NGEF: variants seen among roughly 807,000 people sequenced by gnomAD.
NGEF encodes the protein neuronal guanine nucleotide exchange factor, also known as ephexin-1.
NGEF carries 31 observed loss-of-function variants against 80.9 expected under a neutral mutation model. The ratio of observed to expected loss-of-function variants is 0.38; its 90% CI spans 0.29 to 0.52. The LOEUF is 0.52. Among genes scored for constraint, NGEF ranks in the 20% least tolerant of loss-of-function variants. The pLI is 0.84. For synonymous variants in NGEF, 371 were observed against 370.2 expected (o/e 1.00, Z -0.03); for missense variants, 709 against 926.2 (o/e 0.77, Z 3.04).
intron 3 of NGEF, among the ~76,000 whole-genome samples, chr2:232,969,491 C>CCTTCCTTCCTTCCTTCATTCCTTCCTT (rs1694142074): frequency 1.1e-5 from 1 of 90,770 alleles, no homozygotes; most frequent in African/African-American, 5.1e-5. Flanking sequence ...CTTCCTTCCT[C>CCTTCCTTCCTTCCTTCATTCCTTCCTT]CCTCCCTCCC....
chr2:233,009,271 G>A (rs891941959), intron 1 of NGEF, among the ~76,000 whole-genome samples: 2 of 152,112 alleles, frequency 1.3e-5, no homozygotes, highest in African/African-American at 2.4e-5. Flanking sequence ...GTGAGAACAC[G>A]AGATATATGT....
At chr2:232,888,218 G>A in intron 8 of NGEF, 111 bp from the exon 9 acceptor site, 1 of 722,824 alleles carries the variant, frequency 1.4e-6, no homozygotes, top group Non-Finnish European at 2.4e-6. Flanking sequence ...CCATGCTGCA[G>A]CATGCACACA....
At chr2:232,996,422 C>T (rs547211629) in intron 1 of NGEF, among the ~76,000 whole-genome samples, 24 of 152,240 alleles carry the variant, frequency 1.6e-4, no homozygotes, top group Admixed American at 1.2e-3. Flanking sequence ...GGATTTCTAC[C>T]GAGGGCTGTT....
At chr2:232,912,268 T>C (rs1275912216) in intron 5 of NGEF, among the ~76,000 whole-genome samples, 1 of 152,174 alleles carries the variant, frequency 6.6e-6, no homozygotes, top group Non-Finnish European at 1.5e-5. Context: ...GTAGTAACCA[T>C]GCAGTTTTTT....
chr2:232,983,468 G>A (rs543916450), intron 1 of NGEF, among the ~76,000 whole-genome samples: 15 of 152,270 alleles, frequency 9.9e-5, no homozygotes, highest in African/African-American at 3.4e-4. Context: ...GAAGCAGGTC[G>A]GGGTGGGGGT....
At chr2:232,914,445 C>A (rs1316216460) in intron 5 of NGEF, among the ~76,000 whole-genome samples, 1 of 152,160 alleles carries the variant, frequency 6.6e-6, no homozygotes, top group Non-Finnish European at 1.5e-5. Context: ...GTGCCTCACA[C>A]CTGTCTCAGC....
intron 3 of NGEF, among the ~76,000 whole-genome samples, chr2:232,963,948 A>G (rs991493331): frequency 6.6e-6 from 1 of 152,218 alleles, no homozygotes; most frequent in Non-Finnish European, 1.5e-5. Flanking sequence ...ATGGTTAGGC[A>G]TCTTAAACAG....
intron 1 of NGEF, among the ~76,000 whole-genome samples, chr2:233,011,088 G>T (rs376257439): frequency 6.6e-6 from 1 of 152,122 alleles, no homozygotes; most frequent in Middle Eastern, 3.2e-3. Flanking sequence ...CGTTGTTGGG[G>T]TGAGAGGGCT....
At chr2:232,983,356 G>A (rs1244426079) in intron 1 of NGEF, among the ~76,000 whole-genome samples, 1 of 152,116 alleles carries the variant, frequency 6.6e-6, no homozygotes, top group East Asian at 1.9e-4. Context: ...GGTGAGGGAA[G>A]GAGGAGGGGA....
intron 3 of NGEF, among the ~76,000 whole-genome samples, chr2:232,958,691 C>A (rs1693884554): frequency 6.6e-6 from 1 of 152,212 alleles, no homozygotes; most frequent in African/African-American, 2.4e-5. Context: ...TATACTCAAG[C>A]TCCTGTCTTT....
rs1266637392 is a variant in NGEF at position 232,885,292 on chromosome 2, C to T, written c.1425G>A (p.Glu475=). The T allele has an allele frequency of 1.9e-6, 3 of 1,614,050 alleles. No individual in the cohort carries two copies. Among genetic ancestry groups the T allele is most frequent in the Non-Finnish European group, 1.7e-6 (2 of 1,179,996 alleles). ...CCCACCGGTTCACCTTGATCTTGAACTCCATCTTCTTCTGAATGCTGATCA... is the reference window on the plus strand; with the variant it reads ...CCCACCGGTTCACCTTGATCTTGAATTCCATCTTCTTCTGAATGCTGATCA... The part of the protein sequence containing the change: ...EQMISIQKKM[E]FKIKSVPIIS... The change falls in exon 10 of 15, where the codon GAG becomes GAA. Residue 475 remains glutamate (E), a synonymous_variant. Coordinates refer to ENST00000264051, the MANE Select transcript of NGEF (RefSeq NM_019850.3).
intron 1 of NGEF, among the ~76,000 whole-genome samples, chr2:232,980,654 G>C (rs377269747): frequency 1.3e-5 from 2 of 151,968 alleles, no homozygotes; most frequent in Non-Finnish European, 2.9e-5. Flanking sequence ...GCCTATCACC[G>C]TGCCTGGCTA....
intron 8 of NGEF, among the ~76,000 whole-genome samples, chr2:232,889,201 C>G (rs2106224878): frequency 6.6e-6 from 1 of 152,356 alleles, no homozygotes; most frequent in African/African-American, 2.4e-5. Context: ...CTTCCAAATC[C>G]CTGCTGAACA....
intron 2 of NGEF, among the ~76,000 whole-genome samples, chr2:232,972,855 C>T (rs1170212672): frequency 6.9e-6 from 1 of 144,014 alleles, no homozygotes; most frequent in African/African-American, 2.5e-5. Flanking sequence ...CTCCTGGGTT[C>T]AAGTGATTTT....
intron 1 of NGEF, among the ~76,000 whole-genome samples, chr2:233,000,431 T>C (rs1694946026): frequency 1.3e-5 from 2 of 149,974 alleles, no homozygotes; most frequent in African/African-American, 2.4e-5. Flanking sequence ...GATTCCATCA[T>C]GGGGCCCCAC....
chr2:232,942,911 T>TC (rs1391113624), intron 3 of NGEF, among the ~76,000 whole-genome samples: 1 of 149,134 alleles, frequency 6.7e-6, no homozygotes, highest in Non-Finnish European at 1.5e-5. Context: ...TTTCTTTTTT[T>TC]TTTTTTTTTT....
chr2:232,928,284 C>A, intron 3 of NGEF: 15 of 580,582 alleles, frequency 2.6e-5, no homozygotes, highest in Non-Finnish European at 3.2e-5. Context: ...GCGACCCGGG[C>A]CCCGCGAGCG....
At chr2:232,882,414 G>A (rs1471268268) in intron 12 of NGEF, 149 bp from the exon 13 acceptor site, 3 of 718,066 alleles carry the variant, frequency 4.2e-6, no homozygotes, top group Non-Finnish European at 7.1e-6. Flanking sequence ...GCTCGGGGGA[G>A]CCACAGAAAC....
chr2:232,979,017 G>A (rs1413676830), intron 1 of NGEF, among the ~76,000 whole-genome samples: 1 of 152,206 alleles, frequency 6.6e-6, no homozygotes, highest in Admixed American at 6.5e-5. Flanking sequence ...AGCATTTACT[G>A]TGCGGTGCCA....
Sources: gnomAD v4.1 joint callset for allele counts (sites outside exome capture counted in the v4.1 genomes callset) on GRCh38, gnomAD v4.1.1 for gene constraint, MANE v1.5 for transcripts, NCBI Gene and HGNC (gene_info 2026-07-23, HGNC 2026-07-21) for gene names.